The following CYP7B1 variants were observed in gnomAD, a reference collection of about 807,000 sequenced individuals.
The protein encoded by CYP7B1 is cytochrome P450 family 7 subfamily B member 1.
A neutral mutation model predicts 42.7 loss-of-function variants in CYP7B1; 29 were observed. That is an observed-to-expected ratio of 0.68 (90% CI 0.51 to 0.93). CYP7B1 has a LOEUF of 0.93. CYP7B1 is among the 40% of genes least tolerant of loss of function. The probability of loss-of-function intolerance (pLI) is 0.00; values close to 1 mark genes in which losing one functional copy is unlikely to be tolerated. For synonymous variants in CYP7B1, 235 were observed against 218.2 expected (o/e 1.08, Z -0.68); for missense variants, 655 against 600.5 (o/e 1.09, Z -0.95).
In CYP7B1 at chr8:64,604,840, C is replaced by T; in HGVS notation, c.1075G>A (p.Ala359Thr). Residue 359 changes from alanine to threonine, a missense_variant, in exon 5 of 6, where the codon GCT (alanine) becomes ACT (threonine). Ala to Thr is a moderately conservative substitution (Grantham distance 58). Transcript: ENST00000310193. ...LICLESSIFE[A>T]LRLSSYSTTI... ...GTTGAATATGAGGACAGTCGTAAAG[C>T]TTCAAAAATGCTGCTTTCTGAAGGA... 6.2e-7 allele frequency: 1 copy of T among 1,613,990 alleles called. No individual in the cohort carries two copies. The highest frequency in any genetic ancestry group is 8.5e-7 in the Non-Finnish European group (1 of 1,180,010).
chr8:64,618,615 CCTCT>C (rs976997199), intron 2 of CYP7B1, among the ~76,000 whole-genome samples: 2 of 138,814 alleles, frequency 1.4e-5, no homozygotes, highest in Non-Finnish European at 3.1e-5. Flanking sequence ...TCCCTCTCTC[CCTCT>C]GTCTCTCTAT....
intron 1 of CYP7B1, among the ~76,000 whole-genome samples, chr8:64,701,371 G>A (rs1806914603): frequency 6.6e-6 from 1 of 151,956 alleles, no homozygotes; most frequent in Non-Finnish European, 1.5e-5. Context: ...TGGCTGCTAT[G>A]GAATTAAACT....
intron 1 of CYP7B1, among the ~76,000 whole-genome samples, chr8:64,791,874 T>G (rs540797433): frequency 6.6e-6 from 1 of 152,332 alleles, no homozygotes; most frequent in Non-Finnish European, 1.5e-5. Flanking sequence ...GGTAGAAAAC[T>G]ATTTACTGGA....
intron 1 of CYP7B1, among the ~76,000 whole-genome samples, chr8:64,714,003 G>A (rs1807118512): frequency 6.6e-6 from 1 of 152,188 alleles, no homozygotes; most frequent in Admixed American, 6.5e-5. Flanking sequence ...AAGGTGATAA[G>A]ATCTCTTGTA....
At chr8:64,795,656 T>C (rs1161128407) in intron 1 of CYP7B1, among the ~76,000 whole-genome samples, 2 of 152,250 alleles carry the variant, frequency 1.3e-5, no homozygotes, top group Non-Finnish European at 2.9e-5. Flanking sequence ...AGCTTCATTG[T>C]TGATTCCCAT....
At chr8:64,773,551 A>G (rs1335565290) in intron 1 of CYP7B1, among the ~76,000 whole-genome samples, 1 of 152,260 alleles carries the variant, frequency 6.6e-6, no homozygotes, top group Non-Finnish European at 1.5e-5. Flanking sequence ...AAAATGTTCA[A>G]CAAAGTAGGC....
intron 2 of CYP7B1, among the ~76,000 whole-genome samples, chr8:64,620,099 T>G (rs559455192): frequency 3.3e-4 from 50 of 152,204 alleles, no homozygotes; most frequent in African/African-American, 1.2e-3. Flanking sequence ...GGTGGGATGA[T>G]CACTTGAACT....
intron 2 of CYP7B1, among the ~76,000 whole-genome samples, chr8:64,617,761 T>C (rs1805469590): frequency 6.6e-6 from 1 of 151,966 alleles, no homozygotes. Flanking sequence ...AACGGCATCA[T>C]AGAAATTTAA....
intron 1 of CYP7B1, among the ~76,000 whole-genome samples, chr8:64,733,147 GCA>G (rs141985005): frequency 3.3e-5 from 5 of 151,824 alleles, no homozygotes; most frequent in Non-Finnish European, 7.4e-5. Context: ...CAATATGTAT[GCA>G]CACACACACA....
chr8:64,733,927 GC>G (rs1807450007), intron 1 of CYP7B1, among the ~76,000 whole-genome samples: 1 of 151,866 alleles, frequency 6.6e-6, no homozygotes, highest in South Asian at 2.1e-4. Context: ...CTATGATTGT[GC>G]CCCTGCACTT....
chr8:64,725,945 T>C (rs990230627), intron 1 of CYP7B1, among the ~76,000 whole-genome samples: 1 of 152,158 alleles, frequency 6.6e-6, no homozygotes, highest in Non-Finnish European at 1.5e-5. Context: ...AACAATCCGC[T>C]GTCGTGTGGC....
At chr8:64,779,423 A>G (rs1804381563) in intron 1 of CYP7B1, among the ~76,000 whole-genome samples, 3 of 151,848 alleles carry the variant, frequency 2.0e-5, no homozygotes, top group Non-Finnish European at 2.9e-5. Flanking sequence ...AGTCAAAATC[A>G]ATTCTATAAT....
chr8:64,798,194 C>G (rs1804735829), intron 1 of CYP7B1, among the ~76,000 whole-genome samples: 1 of 152,228 alleles, frequency 6.6e-6, no homozygotes, highest in African/African-American at 2.4e-5. Flanking sequence ...GTCTGTGATG[C>G]ATAATGCATA....
chr8:64,757,050 G>C (rs1024557366), intron 1 of CYP7B1, among the ~76,000 whole-genome samples: 3 of 152,134 alleles, frequency 2.0e-5, no homozygotes, highest in African/African-American at 4.8e-5. Flanking sequence ...TCCCAAAAGT[G>C]AGTTCATTTT....
At chr8:64,721,352 A>AT (rs1364861383) in intron 1 of CYP7B1, among the ~76,000 whole-genome samples, 2 of 152,062 alleles carry the variant, frequency 1.3e-5, no homozygotes, top group Non-Finnish European at 2.9e-5. Context: ...TATAGATATC[A>AT]TTTTTTCCCA....
At chr8:64,656,031 G>C (rs570291303) in intron 1 of CYP7B1, among the ~76,000 whole-genome samples, 5 of 152,076 alleles carry the variant, frequency 3.3e-5, no homozygotes, top group African/African-American at 4.8e-5. Context: ...TGGGAGGAGG[G>C]AGAGGAGCAG....
intron 1 of CYP7B1, among the ~76,000 whole-genome samples, chr8:64,708,595 ATAAT>A (rs1248201189): frequency 6.6e-6 from 1 of 152,214 alleles, no homozygotes; most frequent in Non-Finnish European, 1.5e-5. Flanking sequence ...AATTTCAGAA[ATAAT>A]TCCATGTTTT....
intron 1 of CYP7B1, among the ~76,000 whole-genome samples, chr8:64,743,473 A>C (rs2129633320): frequency 6.6e-6 from 1 of 152,326 alleles, no homozygotes; most frequent in Admixed American, 6.5e-5. Context: ...ATTTTCTCGC[A>C]GTTCTGGAAG....
chr8:64,690,530 A>G (rs1015868394), intron 1 of CYP7B1, among the ~76,000 whole-genome samples: 1 of 152,336 alleles, frequency 6.6e-6, no homozygotes, highest in African/African-American at 2.4e-5. Context: ...GGCCATAAAA[A>G]TTTCTAATTT....
Sources: allele counts gnomAD v4.1 joint callset (sites outside exome capture counted in the v4.1 genomes callset), GRCh38; gene constraint gnomAD v4.1.1; transcripts MANE v1.5; gene names NCBI Gene and HGNC (gene_info 2026-07-23, HGNC 2026-07-21).